LARP1: variants seen among roughly 807,000 people sequenced by gnomAD.
LARP1 encodes the protein La ribonucleoprotein 1, translational regulator.
In LARP1, 36 loss-of-function variants were observed where a neutral mutation model predicts 122.7. The ratio of observed to expected loss-of-function variants is 0.29; its 90% CI spans 0.22 to 0.39. The LOEUF (loss-of-function observed/expected upper bound fraction) is 0.39, where lower values mean the gene tolerates loss of function less well. LARP1 is among the 10% of genes least tolerant of loss of function. The probability of loss-of-function intolerance (pLI) is 1.00; values close to 1 mark genes in which losing one functional copy is unlikely to be tolerated. For synonymous variants in LARP1, 539 were observed against 528.7 expected, an observed-to-expected ratio of 1.02 and a Z score of -0.27; for missense variants, 1,040 against 1,403.6, an observed-to-expected ratio of 0.74 and a Z score of 4.14.
At chr5:154,790,612 T>C in intron 2 of LARP1, 33 bp from the exon 3 acceptor site, 2 of 1,611,786 alleles carry the variant, frequency 1.2e-6, no homozygotes, top group Non-Finnish European at 8.5e-7. Context: ...ACAGGGTCAC[T>C]CCTGGGGCCC....
At chr5:154,697,856 C>T (rs1458642110) in intron 1 of LARP1, among the ~76,000 whole-genome samples, 2 of 152,146 alleles carry the variant, frequency 1.3e-5, no homozygotes, top group Non-Finnish European at 1.5e-5. Context: ...CAGAGTCTCT[C>T]ACTCTATCCT....
chr5:154,786,664 T>G (rs1756911563), intron 1 of LARP1: 1 of 318,132 alleles, frequency 3.1e-6, no homozygotes, highest in Non-Finnish European at 6.4e-6. Flanking sequence ...AGAAGGCTTT[T>G]GACCCATTCC....
At chr5:154,779,240 C>T (rs1479557702) in intron 1 of LARP1, among the ~76,000 whole-genome samples, 3 of 152,122 alleles carry the variant, frequency 2.0e-5, no homozygotes, top group Non-Finnish European at 4.4e-5. Context: ...TCCTCATGAA[C>T]CTAGTTGCTT....
In LARP1 at chr5:154,802,001, T is replaced by C. The variant is rs1264354575; in HGVS notation, c.1717-6T>C. ...TTCCTTTTCCCCTTCGTCTGTCCTA[T>C]TTTAGAAGTCAGAGGAGTCCAGATT... On this transcript the variant is annotated splice_polypyrimidine_tract_variant and splice_region_variant and intron_variant, in intron 10 of 18. Coordinates refer to ENST00000518297, the MANE Select transcript of LARP1 (RefSeq NM_033551.3). This position sits in a 1 kb window ranked among gnomAD's most constrained non-coding sequence, Gnocchi z 5.1. 4 of 1,604,478 alleles carry C rather than the reference T, an allele frequency of 2.5e-6. No homozygotes were observed. The African/African-American group carries it at 5.4e-5, about 21-fold the overall frequency.
chr5:154,781,375 C>T (rs187355933), intron 1 of LARP1, among the ~76,000 whole-genome samples: 2,470 of 152,254 alleles, frequency 0.016, 65 homozygotes, highest in Admixed American at 0.07. Context: ...GGGCGGATCA[C>T]GAGTCAGGAG....
chr5:154,684,972 G>A (rs1021629024), intron 1 of LARP1, among the ~76,000 whole-genome samples: 5 of 152,100 alleles, frequency 3.3e-5, no homozygotes, highest in African/African-American at 9.7e-5. Flanking sequence ...TTGGCTGGGC[G>A]CGGTGGCTCA....
Position 154,811,364 on chromosome 5 carries a change from C to G in LARP1, c.2953+8C>G. On this transcript the variant is annotated splice_region_variant and intron_variant, in intron 17 of 18. Coordinates refer to ENST00000518297, the MANE Select transcript of LARP1 (RefSeq NM_033551.3). ...TGAAGGACTATGAAGCTGGTAAGAG[C>G]CAGAGTTGGATCTGAGTGAGGCCTG... The G allele has an allele frequency of 6.2e-7, 1 of 1,613,170 alleles. No individual in the cohort carries two copies. The highest frequency in any genetic ancestry group is 2.2e-5 in the East Asian group (1 of 44,876).
At chr5:154,773,224 T>C (rs1459252462) in intron 1 of LARP1, among the ~76,000 whole-genome samples, 1 of 152,106 alleles carries the variant, frequency 6.6e-6, no homozygotes, top group Non-Finnish European at 1.5e-5. Flanking sequence ...GGGGTCTCAG[T>C]TGACCATGGG....
rs115415069 is a variant in LARP1, at chr5:154,696,523, G to C, written c.-180+13486G>C. Among the ~76,000 whole-genome samples, 241 of 152,234 alleles carry C rather than the reference G, an allele frequency of 1.6e-3. 1 individual carries two copies. The highest frequency in any genetic ancestry group is 5.3e-3 in the African/African-American group (221 of 41,552). ...CCAGCCCTTACTGTGTCCCAAGCTTGGTGCAAAGCCCTTCATATGCATTGT... is the reference window on the plus strand; with the variant it reads ...CCAGCCCTTACTGTGTCCCAAGCTTCGTGCAAAGCCCTTCATATGCATTGT... On this transcript the variant is annotated intron_variant, in intron 1 of 18. Transcript: ENST00000687700.
intron 1 of LARP1, among the ~76,000 whole-genome samples, chr5:154,768,368 T>C (rs921283978): frequency 3.3e-5 from 5 of 152,192 alleles, no homozygotes; most frequent in Non-Finnish European, 5.9e-5. Flanking sequence ...ATTGCGGCCA[T>C]GGTGGGGCTT....
intron 1 of LARP1, among the ~76,000 whole-genome samples, chr5:154,780,935 CG>C (rs1756373090): frequency 6.6e-6 from 1 of 152,022 alleles, no homozygotes; most frequent in African/African-American, 2.4e-5. Flanking sequence ...TGGTGGCTCG[CG>C]CCTGTAGTCC....
At position 154,804,311 on chromosome 5, in the gene LARP1, C is replaced by T. The variant is rs1236370275; in HGVS notation, c.2546+4C>T. 6.2e-7 allele frequency: 1 copy of T among 1,609,736 alleles called. No homozygotes were observed. The highest frequency in any genetic ancestry group is 1.3e-5 in the African/African-American group (1 of 74,782). ...GGCCCCGTACTGCTTCCATCAGGTA[C>T]CTGGGGCAGTGGGGGAAGAGTGATC... On this transcript the variant is annotated splice_donor_region_variant and intron_variant, in intron 14 of 18. Transcript: ENST00000518297.
upstream of LARP1, among the ~76,000 whole-genome samples, chr5:154,709,592 A>G (rs1430223394): frequency 7.4e-6 from 1 of 134,306 alleles, no homozygotes; most frequent in Non-Finnish European, 1.5e-5. Context: ...GAAGCTCTCC[A>G]GTGAGATTTT....
At chr5:154,793,053 C>G (rs952702421) in intron 4 of LARP1, among the ~76,000 whole-genome samples, 1 of 152,188 alleles carries the variant, frequency 6.6e-6, no homozygotes, top group African/African-American at 2.4e-5. Flanking sequence ...ATAAAACTTT[C>G]TTTCTTTGAT....
At chr5:154,696,380 C>A (rs1582152647) in intron 1 of LARP1, among the ~76,000 whole-genome samples, 1 of 141,784 alleles carries the variant, frequency 7.1e-6, no homozygotes, top group African/African-American at 2.5e-5. Context: ...GCAACAACAA[C>A]AAAACCAAAG....
intron 1 of LARP1, among the ~76,000 whole-genome samples, chr5:154,695,065 C>G (rs1337817347): frequency 6.6e-6 from 1 of 152,092 alleles, no homozygotes; most frequent in Non-Finnish European, 1.5e-5. Context: ...CCTGTAATCC[C>G]GGCACTTTTG....
At chr5:154,783,224 T>TG (rs1756600171) in intron 1 of LARP1, among the ~76,000 whole-genome samples, 1 of 152,184 alleles carries the variant, frequency 6.6e-6, no homozygotes, top group Non-Finnish European at 1.5e-5. Flanking sequence ...GAGCAGCCTC[T>TG]GGGAGAACTG....
chr5:154,743,186 C>A (rs1752998154), intron 1 of LARP1, among the ~76,000 whole-genome samples: 1 of 152,074 alleles, frequency 6.6e-6, no homozygotes, highest in African/African-American at 2.4e-5. Context: ...AGAAGTCCCA[C>A]CCTTAGCAAA....
chr5:154,751,409 A>G (rs1582279425), upstream of LARP1, among the ~76,000 whole-genome samples: 1 of 152,230 alleles, frequency 6.6e-6, no homozygotes, highest in East Asian at 1.9e-4. Flanking sequence ...TAAGGAAATA[A>G]TAACTATCCC....
Sources: gnomAD v4.1 joint callset for allele counts (sites outside exome capture counted in the v4.1 genomes callset) on GRCh38, gnomAD v4.1.1 for gene constraint, Gnocchi (gnomAD v3.1) non-coding constraint, MANE v1.5 for transcripts, NCBI Gene and HGNC (gene_info 2026-07-23, HGNC 2026-07-21) for gene names.